Variants in XRN1 observed in about 807,000 individuals in gnomAD.
XRN1 encodes the protein strand-exchange protein 1 homolog.
XRN1 carries 67 observed loss-of-function variants against 222.3 expected under a neutral mutation model. The observed-to-expected ratio is 0.30, with a 90% CI of 0.25 to 0.37. The LOEUF is 0.37. Among genes scored for constraint, XRN1 ranks in the 10% least tolerant of loss-of-function variants. The pLI is 1.00. For synonymous variants in XRN1, 643 were observed against 652.4 expected (o/e 0.99, Z 0.22); for missense variants, 1,707 against 2,000.2 (o/e 0.85, Z 2.80).
At chr3:142,323,111 C>T (rs1339690433) in intron 37 of XRN1, among the ~76,000 whole-genome samples, 1 of 152,130 alleles carries the variant, frequency 6.6e-6, no homozygotes, top group Non-Finnish European at 1.5e-5. Flanking sequence ...TGAGCCACCG[C>T]ATCTAGCGCA....
chr3:142,312,185 G>A lies in XRN1; in HGVS notation c.4783-372C>T, dbSNP rs148401717. Among the ~76,000 whole-genome samples the A allele has an allele frequency of 2.9e-3, 434 of 152,200 alleles. 6 individuals are homozygous for A. Among genetic ancestry groups the A allele is most frequent in the African/African-American group, 9.8e-3 (408 of 41,512 alleles). ...TCAGGTACTCGGGAGTCTAAGATGG[G>A]AGGATCACTTGAGCCCAGGAAGTCA... On this transcript the variant is annotated intron_variant, in intron 40 of 40. Transcript: ENST00000392981.
chr3:142,361,065 T>A (rs1456766559), intron 29 of XRN1, among the ~76,000 whole-genome samples: 1 of 152,200 alleles, frequency 6.6e-6, no homozygotes, highest in Non-Finnish European at 1.5e-5. Flanking sequence ...ATCCTCCTAA[T>A]CTAGGCAACT....
intron 33 of XRN1, among the ~76,000 whole-genome samples, chr3:142,340,171 C>G (rs1577249485): frequency 6.6e-6 from 1 of 151,998 alleles, no homozygotes; most frequent in Admixed American, 6.6e-5. Context: ...GCCTGACCAA[C>G]ATGGAGAAAC....
chr3:142,417,033 A>T (rs2108086213), intron 13 of XRN1, 107 bp downstream of exon 13: 1 of 824,606 alleles, frequency 1.2e-6, no homozygotes. Context: ...AAAAAAAAAA[A>T]AAAATTACCA....
intron 37 of XRN1, among the ~76,000 whole-genome samples, chr3:142,319,656 C>T (rs2065297245): frequency 6.6e-6 from 1 of 151,932 alleles, no homozygotes; most frequent in African/African-American, 2.4e-5. Context: ...ATTTCTCATC[C>T]CTCACATCCC....
chr3:142,426,646 G>C, intron 3 of XRN1, 98 bp downstream of exon 3: 1 of 1,194,404 alleles, frequency 8.4e-7, no homozygotes, highest in Non-Finnish European at 1.2e-6. Context: ...GAACCCTAAG[G>C]CCAAAATAAA....
intron 23 of XRN1, among the ~76,000 whole-genome samples, chr3:142,378,869 T>C (rs972872963): frequency 6.6e-6 from 1 of 152,090 alleles, no homozygotes; most frequent in African/African-American, 2.4e-5. Context: ...GCTAAAAAGA[T>C]TTCAGAAAAT....
intron 1 of XRN1, among the ~76,000 whole-genome samples, chr3:142,444,014 G>A (rs764686270): frequency 3.3e-5 from 5 of 152,198 alleles, no homozygotes; most frequent in Non-Finnish European, 7.3e-5. Flanking sequence ...ACTTATTTAT[G>A]GAATCTAAAA....
At chr3:142,418,220 G>C (rs1178534511) in intron 12 of XRN1, 6 of 295,882 alleles carry the variant, frequency 2.0e-5, no homozygotes, top group African/African-American at 4.4e-5. Flanking sequence ...CTTCTTATTG[G>C]ACATTTAGAT....
chr3:142,427,054 G>T (rs555448879), intron 2 of XRN1, among the ~76,000 whole-genome samples: 2 of 152,148 alleles, frequency 1.3e-5, no homozygotes, highest in Admixed American at 1.3e-4. Context: ...TTCAGGCCAG[G>T]TGCAGTGGCT....
chr3:142,350,478 T>C (rs972147202), intron 32 of XRN1, among the ~76,000 whole-genome samples: 2 of 152,104 alleles, frequency 1.3e-5, no homozygotes, highest in Non-Finnish European at 2.9e-5. Context: ...TATATAAAAA[T>C]AATGGCTTTT....
rs543921311 is a variant in XRN1, at chr3:142,410,141, G to A, written c.1713+2403C>T. On this transcript the variant is annotated intron_variant, in intron 15 of 40. Transcript: ENST00000392981. ...TAACACACTGGACCTCCAGTAAAAC[G>A]TTAGAAAGAAGTGGTTAGAATGGAC... is the stretch of plus-strand genomic sequence containing the variant. Among the ~76,000 whole-genome samples, 35 of 152,266 alleles carry A rather than the reference G, an allele frequency of 2.3e-4. No homozygotes were observed. In the South Asian group the frequency reaches 5.6e-3, roughly 24 times the overall value.
intron 20 of XRN1, among the ~76,000 whole-genome samples, chr3:142,385,542 T>C (rs2067467926): frequency 6.6e-6 from 1 of 152,212 alleles, no homozygotes; most frequent in Admixed American, 6.5e-5. Context: ...TAGTTATCCA[T>C]TTACTTCCTG....
At chr3:142,380,706 T>C (rs576041210) in intron 22 of XRN1, among the ~76,000 whole-genome samples, 126 of 151,744 alleles carry the variant, frequency 8.3e-4, no homozygotes, top group South Asian at 1.5e-3. Flanking sequence ...TAGGCTGGAG[T>C]GTAGTGGCAC....
chr3:142,348,891 T>C lies in XRN1; in HGVS notation c.3769-1549A>G, dbSNP rs552078062. 5.3e-5 allele frequency among the ~76,000 whole-genome samples: 8 copies of C among 152,210 alleles called. No individual in the cohort carries two copies. The South Asian group carries it at 1.2e-3, about 24-fold the overall frequency. On this transcript the variant is annotated intron_variant, in intron 32 of 40. Coordinates refer to ENST00000392981, the MANE Select transcript of XRN1 (RefSeq NM_001282857.2). ...CTGGGCTTAAGTGTTCCTCCTGCCT[T>C]GGCCTCCCAAAGTGCTGGGATTACA...
In XRN1 at chr3:142,414,295, T is replaced by C. The variant is rs776657387; in HGVS notation, c.1437-4A>G. 3.8e-6 allele frequency: 6 copies of C among 1,559,282 alleles called. No individual in the cohort carries two copies. Among genetic ancestry groups the C allele is most frequent in the Non-Finnish European group, 3.5e-6 (4 of 1,152,674 alleles). ...TGCATAATGATAAGGATAATACCTA[T>C]AAAACAAAACTGAGTTTTAAACAAG... On this transcript the variant is annotated splice_polypyrimidine_tract_variant and splice_region_variant and intron_variant, in intron 13 of 40. Transcript: ENST00000392981.
rs372336185 is a variant in XRN1 at position 142,377,243 on chromosome 3, G to A, written c.2716-649C>T. On this transcript the variant is annotated intron_variant, in intron 23 of 40. Coordinates refer to ENST00000392981, the MANE Select transcript of XRN1 (RefSeq NM_001282857.2). ...ATTAAAAAAAAAAAAAGAAGTAACA[G>A]ATCATATAATATTTAACCAGGAAGC... Among the ~76,000 whole-genome samples, 460 of 144,426 alleles carry A rather than the reference G, an allele frequency of 3.2e-3. 2 individuals are homozygous for A. Among genetic ancestry groups the A allele is most frequent in the African/African-American group, 0.011 (441 of 39,228 alleles). 94.7% of individuals were successfully genotyped at this position (144,426 alleles called of 152,430 possible).
In XRN1 at chr3:142,432,795, A is replaced by G; in HGVS notation, c.174T>C (p.Asp58=). 2 of 1,614,066 alleles carry G rather than the reference A, an allele frequency of 1.2e-6. No individual in the cohort carries two copies. Residue 58 remains aspartate (D), a synonymous_variant, in exon 2 of 41, where the codon GAT becomes GAC. Transcript: ENST00000392981. ...AGTGAAAAATATCAGTAAAGATTTTATCATCTGAAATTCTAAAGTGAACAT... is the reference window on the plus strand; with the variant it reads ...AGTGAAAAATATCAGTAAAGATTTTGTCATCTGAAATTCTAAAGTGAACAT... ...DDDVHFRISD[D]KIFTDIFHYL...
At chr3:142,374,681 T>C (rs1223032342) in intron 25 of XRN1, among the ~76,000 whole-genome samples, 1 of 152,162 alleles carries the variant, frequency 6.6e-6, no homozygotes, top group Non-Finnish European at 1.5e-5. Flanking sequence ...TCCATAAATA[T>C]GTCAAGTTGA....
Sources: gnomAD v4.1 joint callset for allele counts (sites outside exome capture counted in the v4.1 genomes callset) on GRCh38, gnomAD v4.1.1 for gene constraint, MANE v1.5 for transcripts, NCBI Gene and HGNC (gene_info 2026-07-23, HGNC 2026-07-21) for gene names.